The following MMRN1 variants were observed in gnomAD, a reference collection of about 807,000 sequenced individuals.
MMRN1 encodes multimerin-1.
In MMRN1, 94 loss-of-function variants were observed where a neutral mutation model predicts 100.7. The observed-to-expected ratio is 0.93, with a 90% CI of 0.79 to 1.11. The LOEUF (loss-of-function observed/expected upper bound fraction) is 1.11. Ranked by LOEUF, MMRN1 falls within the 50% of genes least tolerant of loss-of-function variation. The pLI, the probability that MMRN1 is intolerant of heterozygous loss-of-function variation, is 0.00. For synonymous variants in MMRN1, 575 were observed against 505.0 expected, an observed-to-expected ratio of 1.14 and a Z score of -1.86; for missense variants, 1,606 against 1,439.1, an observed-to-expected ratio of 1.12 and a Z score of -1.88.
intron 5 of MMRN1, 88 bp from the exon 6 acceptor site, chr4:89,934,722 A>G (rs1039145235): frequency 4.0e-5 from 27 of 676,922 alleles, no homozygotes; most frequent in Non-Finnish European, 5.0e-5. Context: ...CGTGTTATTA[A>G]TGTTTAATTT....
rs753424302 is a variant in MMRN1, at chr4:89,923,168, C to T, written c.851C>T (p.Ala284Val). ...CTCTTCTCTTTCTGCTTCCTTCTAG[C>T]CCAGGAACAGCAAAGTTTGATACAC... The part of the protein sequence containing the change: ...GYSGPKCQLR[A>V]QEQQSLIHTN... Residue 284 changes from alanine to valine, a missense_variant and splice_region_variant, in exon 4 of 8, where the codon GCC becomes GTC. By Grantham distance (64) the Ala-to-Val change is moderately conservative. Coordinates refer to ENST00000264790, the MANE Select transcript of MMRN1 (RefSeq NM_007351.3). 1 of 1,613,244 alleles carries T rather than the reference C, an allele frequency of 6.2e-7. No homozygotes were observed. Among genetic ancestry groups the T allele is most frequent in the East Asian group, 2.2e-5 (1 of 44,844 alleles).
In MMRN1 at chr4:89,895,320, C is replaced by T. The variant is rs749528334; in HGVS notation, c.349C>T (p.Leu117Phe). ...EGVVKLQNLT[L>F]PTNASIKFNP... ...AGTGGTCAAGTTACAGAATCTTACC[C>T]TCCCAACCAACGCTAGCATCAAGTT... Residue 117 changes from leucine to phenylalanine, a missense_variant, in exon 1 of 8, where the codon CTC becomes TTC. Physicochemically the swap from Leu to Phe is conservative, Grantham distance 22. Coordinates refer to ENST00000264790, the MANE Select transcript of MMRN1 (RefSeq NM_007351.3). 3.1e-6 allele frequency: 5 copies of T among 1,613,428 alleles called. No individual in the cohort carries two copies. Among genetic ancestry groups the T allele is most frequent in the Non-Finnish European group, 3.4e-6 (4 of 1,179,904 alleles).
chr4:89,915,151 T>G (rs192048454), intron 3 of MMRN1, among the ~76,000 whole-genome samples: 140 of 151,682 alleles, frequency 9.2e-4, no homozygotes, highest in Non-Finnish European at 1.4e-3. Context: ...TAACTAACAT[T>G]TGAATATGGG....
chr4:89,936,721 T>C lies in MMRN1; in HGVS notation c.3041T>C (p.Leu1014Pro). 6.2e-7 allele frequency: 1 copy of C among 1,613,358 alleles called. No individual in the cohort carries two copies. Among genetic ancestry groups the C allele is most frequent in the African/African-American group, 1.3e-5 (1 of 75,002 alleles). The change falls in exon 6 of 8, where the codon CTT (leucine) becomes CCT (proline). Residue 1014 changes from leucine to proline, a missense_variant. Coordinates refer to ENST00000264790, the MANE Select transcript of MMRN1 (RefSeq NM_007351.3). ...TCATTGCCAAAGAAAATTAACGCAC[T>C]TAAGAAACCAACGGTAAATCTTACC... The part of the protein sequence containing the change: ...VKSLPKKINA[L>P]KKPTVNLTTV...
At chr4:89,944,122 A>G (rs1722916837) in intron 6 of MMRN1, among the ~76,000 whole-genome samples, 1 of 152,250 alleles carries the variant, frequency 6.6e-6, no homozygotes, top group Non-Finnish European at 1.5e-5. Context: ...AAAGAAAAGA[A>G]ACAACATACC....
At chr4:89,910,383 G>A (rs752047988) in intron 2 of MMRN1, among the ~76,000 whole-genome samples, 68 of 151,470 alleles carry the variant, frequency 4.5e-4, no homozygotes, top group Admixed American at 9.2e-4. Flanking sequence ...TTCAAGGTGA[G>A]CTCTTTTTAT....
intron 5 of MMRN1, among the ~76,000 whole-genome samples, chr4:89,932,274 G>A (rs1220438944): frequency 6.6e-6 from 1 of 152,152 alleles, no homozygotes; most frequent in Non-Finnish European, 1.5e-5. Context: ...TCCCCATGGT[G>A]GTGGGCAGCT....
At chr4:89,949,777 T>A (rs1388687320) in intron 6 of MMRN1, among the ~76,000 whole-genome samples, 2 of 152,232 alleles carry the variant, frequency 1.3e-5, no homozygotes, top group African/African-American at 4.8e-5. Context: ...TGCAAAAAAT[T>A]TTAATAATAC....
chr4:89,924,570 C>T (rs1722186043), intron 4 of MMRN1, among the ~76,000 whole-genome samples: 1 of 151,498 alleles, frequency 6.6e-6, no homozygotes, highest in Non-Finnish European at 1.5e-5. Flanking sequence ...TTAAGCTGGG[C>T]ACAGTGGCTT....
chr4:89,887,856 G>A (rs116344822), intron 1 of MMRN1, among the ~76,000 whole-genome samples: 3,883 of 151,320 alleles, frequency 0.026, 84 homozygotes, highest in Non-Finnish European at 0.04. Context: ...ATACATTATT[G>A]CTGTGATTTT....
Position 89,935,966 on chromosome 4 carries a change from T to C in MMRN1, c.2286T>C (p.His762=). Residue 762 remains histidine, a synonymous_variant, in exon 6 of 8, where the codon CAT becomes CAC. Transcript: ENST00000264790. The part of the protein sequence containing the change: ...LSTIKDNSEI[H]HKCTSDMETI... ...CTATTAAGGATAATAGTGAGATCCA[T>C]CATAAATGTACCTCCGATATGGAAA... 6.2e-7 allele frequency: 1 copy of C among 1,612,510 alleles called. No individual in the cohort carries two copies.
In MMRN1 at chr4:89,895,476, G is replaced by C; in HGVS notation, c.505G>C (p.Gly169Arg). Residue 169 changes from glycine to arginine, a missense_variant, in exon 1 of 8, where the codon GGA becomes CGA. Transcript: ENST00000264790. ...AGGCACTGGAGGCATTGGAGGCGTT[G>C]GAGGCACTGGAGGCGTGGGAAATCG... ...VGGTGGIGGV[G>R]GTGGVGNRAP... 6.2e-6 allele frequency: 10 copies of C among 1,613,842 alleles called. No individual in the cohort carries two copies. The highest frequency in any genetic ancestry group is 7.6e-6 in the Non-Finnish European group (9 of 1,179,908).
intron 1 of MMRN1, among the ~76,000 whole-genome samples, chr4:89,897,212 G>T (rs996288632): frequency 3.1e-5 from 4 of 127,164 alleles, no homozygotes; most frequent in Admixed American, 1.7e-4. Flanking sequence ...CTATAGCTAA[G>T]AATTTTTTTT....
chr4:89,886,191 CCT>C (rs1232332150), intron 1 of MMRN1, among the ~76,000 whole-genome samples: 1 of 151,394 alleles, frequency 6.6e-6, no homozygotes, highest in Non-Finnish European at 1.5e-5. Context: ...GTGCCTGGCC[CCT>C]TTCTTCTATT....
Position 89,954,455 on chromosome 4 carries a change from A to G in MMRN1, c.*1037A>G, listed in dbSNP as rs938736828. ...GCCTCCCACAGATGTGCTAAAATTT[A>G]TTTAACTAATCCTTTATCCTCTATT... On this transcript the variant is annotated 3_prime_UTR_variant, in exon 8 of 8. Transcript: ENST00000264790. 2.6e-5 allele frequency: 4 copies of G among 152,060 alleles called. No homozygotes were observed. The highest frequency in any genetic ancestry group is 4.4e-5 in the Non-Finnish European group (3 of 68,004). The allele number at this position is 152,060 out of a possible 1,614,324, so 9.4% of individuals were successfully genotyped here.
intron 6 of MMRN1, among the ~76,000 whole-genome samples, chr4:89,937,866 G>C (rs80059770): frequency 6.6e-6 from 1 of 151,994 alleles, no homozygotes; most frequent in Non-Finnish European, 1.5e-5. Context: ...GGAAGAAAGA[G>C]GAATTGTGTG....
In MMRN1 at chr4:89,895,591, G is replaced by A; in HGVS notation, c.620G>A (p.Gly207Glu). The A allele has an allele frequency of 1.2e-6, 2 of 1,611,848 alleles. No homozygotes were observed. Among genetic ancestry groups the A allele is most frequent in the Non-Finnish European group, 8.5e-7 (1 of 1,178,964 alleles). Residue 207 changes from glycine to glutamate, a missense_variant, in exon 1 of 8, where the codon GGA becomes GAA. Transcript: ENST00000264790. ...AAATCAAATTTCGAAACAACTAGAG[G>A]AAAGTAAGAAATCTTCTTTTCTTTT... Reference protein sequence around the residue: ...YQKSNFETTRGKNWCAYVHTR... With the variant: ...YQKSNFETTREKNWCAYVHTR...
At position 89,935,538 on chromosome 4, in the gene MMRN1, A is replaced by T. The variant is rs1387691548; in HGVS notation, c.1858A>T (p.Thr620Ser). 1.2e-6 allele frequency: 2 copies of T among 1,613,040 alleles called. No individual in the cohort carries two copies. Among genetic ancestry groups the T allele is most frequent in the Non-Finnish European group, 1.7e-6 (2 of 1,179,678 alleles). The change falls in exon 6 of 8, where the codon ACA becomes TCA. Residue 620 changes from threonine to serine, a missense_variant. Transcript: ENST00000264790. Reference sequence around the variant, plus strand: ...AGAGAATTTACATGTGTTAAATCAAACATTGGCTGAAGTTCTCTTTCCAAT... The same window carrying T: ...AGAGAATTTACATGTGTTAAATCAATCATTGGCTGAAGTTCTCTTTCCAAT... ...TEENLHVLNQ[T>S]LAEVLFPMDN... is the part of the protein sequence containing the mutation.
intron 7 of MMRN1, 124 bp downstream of exon 7, chr4:89,951,875 C>T: frequency 8.8e-7 from 1 of 1,139,242 alleles, no homozygotes; most frequent in Non-Finnish European, 1.2e-6. Flanking sequence ...ATTCCTTTTA[C>T]TTTTTCGAAA....
Sources: allele counts gnomAD v4.1 joint callset (sites outside exome capture counted in the v4.1 genomes callset), GRCh38; gene constraint gnomAD v4.1.1; transcripts MANE v1.5; gene names NCBI Gene and HGNC (gene_info 2026-07-23, HGNC 2026-07-21).